BMPR1B: variants seen among roughly 807,000 people sequenced by gnomAD.
BMPR1B encodes bone morphogenetic protein receptor type 1B.
BMPR1B carries 12 observed loss-of-function variants against 59.1 expected under a neutral mutation model. The observed-to-expected ratio is 0.20, with a 90% CI of 0.13 to 0.33. The LOEUF is 0.33. Ranked by LOEUF, BMPR1B falls within the 10% of genes least tolerant of loss-of-function variation. BMPR1B has a pLI of 1.00. For missense variants in BMPR1B, 550 were observed against 610.9 expected (o/e 0.90, Z 1.05); for synonymous variants, 237 against 207.3 (o/e 1.14, Z -1.23).
chr4:94,947,262 T>C (rs189126242), intron 2 of BMPR1B, among the ~76,000 whole-genome samples: 15 of 152,336 alleles, frequency 9.8e-5, no homozygotes, highest in Non-Finnish European at 2.2e-4. Context: ...ATCCGTGAAC[T>C]CTTTTAACAA....
chr4:95,136,392 C>G, intron 10 of BMPR1B, among the ~76,000 whole-genome samples: 1 of 152,106 alleles, frequency 6.6e-6, no homozygotes, highest in Non-Finnish European at 1.5e-5. Context: ...GTGTCTCTGC[C>G]AGGCTTTGGT....
chr4:95,042,542 G>T (rs1321874480), intron 3 of BMPR1B, among the ~76,000 whole-genome samples: 1 of 152,118 alleles, frequency 6.6e-6, no homozygotes, highest in Admixed American at 6.5e-5. Flanking sequence ...TTATGTTTAT[G>T]TAAAAATTCC....
chr4:94,933,976 G>A (rs1294087409), intron 2 of BMPR1B, among the ~76,000 whole-genome samples: 1 of 152,150 alleles, frequency 6.6e-6, no homozygotes, highest in Admixed American at 6.6e-5. Flanking sequence ...TGGCTCTGTT[G>A]TATTTCCAAC....
At chr4:95,077,360 C>G (rs1210752840) in intron 3 of BMPR1B, among the ~76,000 whole-genome samples, 1 of 152,116 alleles carries the variant, frequency 6.6e-6, no homozygotes, top group Admixed American at 6.6e-5. Context: ...AACGGGAATA[C>G]TTGTGTCTAT....
chr4:94,827,422 T>TA (rs1724423741), intron 1 of BMPR1B, among the ~76,000 whole-genome samples: 1 of 152,228 alleles, frequency 6.6e-6, no homozygotes, highest in African/African-American at 2.4e-5. Context: ...AAACTTTATA[T>TA]ATTTCTCAAA....
At chr4:94,969,043 GT>G (rs555508403) in intron 2 of BMPR1B, among the ~76,000 whole-genome samples, 5,656 of 147,404 alleles carry the variant, frequency 0.038, 363 homozygotes, top group African/African-American at 0.13. Flanking sequence ...TTTTTTTGTT[GT>G]TTTTTTTTTG....
intron 2 of BMPR1B, among the ~76,000 whole-genome samples, chr4:94,911,991 TA>T (rs2149013109): frequency 6.6e-6 from 1 of 152,266 alleles, no homozygotes; most frequent in East Asian, 1.9e-4. Flanking sequence ...TAATTGGACT[TA>T]CAGTTCCATG....
intron 10 of BMPR1B, among the ~76,000 whole-genome samples, chr4:95,137,799 T>C (rs1030311143): frequency 6.6e-6 from 1 of 152,198 alleles, no homozygotes; most frequent in Non-Finnish European, 1.5e-5. Context: ...CCTATGTGTG[T>C]CTCTGCACAT....
chr4:94,814,825 TTAATAGGAAAC>T (rs1653627340), intron 1 of BMPR1B, among the ~76,000 whole-genome samples: 1 of 152,182 alleles, frequency 6.6e-6, no homozygotes, highest in Non-Finnish European at 1.5e-5. Context: ...AATAACAGGA[TTAATAGGAAAC>T]TAAATTTTAA....
At chr4:95,051,778 A>G in intron 3 of BMPR1B, 4 of 1,535,372 alleles carry the variant, frequency 2.6e-6, no homozygotes, top group South Asian at 2.4e-5. Context: ...AAGGGGTAAG[A>G]AGATCAGTGC....
At chr4:95,020,437 G>T (rs1346772871) in intron 3 of BMPR1B, among the ~76,000 whole-genome samples, 2 of 152,092 alleles carry the variant, frequency 1.3e-5, no homozygotes, top group Non-Finnish European at 2.9e-5. Context: ...AAATTAGCTG[G>T]GCGTGGTGGT....
In BMPR1B at chr4:94,770,366, C is replaced by CT. The variant is rs200307606; in HGVS notation, c.-183+12304dup. On this transcript the variant is annotated intron_variant, in intron 1 of 12. Transcript: ENST00000515059. ...CTAGTGATGTCTGTGTCATTGTTAGCTTTTTTGGCTGCAGGAACTTATTAA... is the reference window on the plus strand; with the variant it reads ...CTAGTGATGTCTGTGTCATTGTTAGCTTTTTTTGGCTGCAGGAACTTATTAA... 8.0e-3 allele frequency among the ~76,000 whole-genome samples: 1,217 copies of CT among 151,910 alleles called. 8 individuals carry two copies. Among genetic ancestry groups the CT allele is most frequent in the African/African-American group, 0.028 (1,142 of 41,420 alleles).
At chr4:95,090,234 T>TA (rs1335536892) in intron 3 of BMPR1B, among the ~76,000 whole-genome samples, 1 of 151,894 alleles carries the variant, frequency 6.6e-6, no homozygotes, top group African/African-American at 2.4e-5. Flanking sequence ...TAAACAGCAA[T>TA]AAAAAATAAC....
rs1371667173 is a variant in BMPR1B, at chr4:95,157,204, C to G, written c.*2531C>G. On this transcript the variant is annotated 3_prime_UTR_variant, in exon 13 of 13. Coordinates refer to ENST00000515059, the MANE Select transcript of BMPR1B (RefSeq NM_001203.3). ...GGTCCTATCCTCAATCTAATTTATT[C>G]ACTATTAATATTTTAAAAACATTCC... The G allele has an allele frequency of 6.6e-6, 1 of 152,040 alleles. No homozygotes were observed. Among genetic ancestry groups the G allele is most frequent in the Non-Finnish European group, 1.5e-5 (1 of 67,970 alleles). 9.4% of individuals were successfully genotyped at this position (152,040 alleles called of 1,614,324 possible). A position where few individuals can be genotyped will look rare whatever the true frequency, so the allele number is the denominator to read the frequency against.
intron 1 of BMPR1B, among the ~76,000 whole-genome samples, chr4:94,781,304 A>G (rs1441690527): frequency 5.3e-5 from 8 of 152,182 alleles, no homozygotes; most frequent in African/African-American, 1.9e-4. Context: ...GATGGTGTCC[A>G]TGGAAACAAA....
intron 2 of BMPR1B, among the ~76,000 whole-genome samples, chr4:94,954,258 T>C (rs2149058542): frequency 6.6e-6 from 1 of 152,316 alleles, no homozygotes; most frequent in African/African-American, 2.4e-5. Context: ...CTCATTACTA[T>C]ACCTTAGCTT....
At chr4:94,827,322 GTATA>G (rs1165536071) in intron 1 of BMPR1B, among the ~76,000 whole-genome samples, 2 of 151,938 alleles carry the variant, frequency 1.3e-5, no homozygotes, top group Non-Finnish European at 2.9e-5. Context: ...AAAATAAAGT[GTATA>G]TATACTTTGT....
chr4:95,152,522 T>C, intron 11 of BMPR1B, 121 bp from the exon 12 acceptor site: 2 of 832,870 alleles, frequency 2.4e-6, no homozygotes, highest in Non-Finnish European at 3.4e-6. Context: ...TTTTGCTATT[T>C]TTCTGCCTGA....
intron 4 of BMPR1B, among the ~76,000 whole-genome samples, chr4:95,108,351 G>A (rs1292293584): frequency 6.6e-6 from 1 of 152,030 alleles, no homozygotes; most frequent in East Asian, 1.9e-4. Flanking sequence ...TTAGAAAAGG[G>A]CTGGTCTAAA....
Sources: gnomAD v4.1 joint callset for allele counts (sites outside exome capture counted in the v4.1 genomes callset) on GRCh38, gnomAD v4.1.1 for gene constraint, MANE v1.5 for transcripts, NCBI Gene and HGNC (gene_info 2026-07-23, HGNC 2026-07-21) for gene names.